The following TIA1 variants were observed in gnomAD, a reference collection of about 807,000 sequenced individuals.
The protein encoded by TIA1 is TIA1 cytotoxic granule associated RNA binding protein.
A neutral mutation model predicts 65.9 loss-of-function variants in TIA1; 23 were observed. The ratio of observed to expected loss-of-function variants is 0.35; its 90% CI spans 0.25 to 0.49. TIA1 has a LOEUF of 0.49. TIA1 is among the 20% of genes least tolerant of loss of function. TIA1 has a pLI of 0.98. For missense variants in TIA1, 371 were observed against 477.9 expected (o/e 0.78, Z 2.09); for synonymous variants, 147 against 149.4 (o/e 0.98, Z 0.12).
intron 11 of TIA1, 103 bp downstream of exon 11, chr2:70,215,268 T>C (rs1461680566): frequency 1.0e-5 from 15 of 1,468,764 alleles, no homozygotes; most frequent in Non-Finnish European, 1.4e-5. Flanking sequence ...TTATATACTA[T>C]CATTTTAGCT....
At chr2:70,227,943 A>C in intron 5 of TIA1, 121 bp from the exon 6 acceptor site, 1 of 639,292 alleles carries the variant, frequency 1.6e-6, no homozygotes, top group Non-Finnish European at 2.7e-6. Context: ...AGTATAAATA[A>C]AACACTATCC....
At chr2:70,220,136 CACGGT>C (rs1180793517) in intron 7 of TIA1, among the ~76,000 whole-genome samples, 1 of 152,096 alleles carries the variant, frequency 6.6e-6, no homozygotes, top group Non-Finnish European at 1.5e-5. Context: ...TCAGACTGGG[CACGGT>C]GGCTCACACT....
chr2:70,234,317 G>T (rs757635945), intron 2 of TIA1, among the ~76,000 whole-genome samples: 1 of 152,176 alleles, frequency 6.6e-6, no homozygotes, highest in African/African-American at 2.4e-5. Flanking sequence ...TAAGTAAGGA[G>T]ATCTAGATTA....
Position 70,240,470 on chromosome 2 carries a change from GC to G in TIA1, c.27-4296del, listed in dbSNP as rs1299388965. On this transcript the variant is annotated intron_variant, in intron 1 of 12. Coordinates refer to ENST00000433529, the MANE Select transcript of TIA1 (RefSeq NM_022173.4). ...AAGGGAGTGGTGGCACAAGCCCGCAGCCCCAGCTACTTGAGAGGCTGAGGTG... is the reference window on the plus strand; with the variant it reads ...AAGGGAGTGGTGGCACAAGCCCGCAGCCCAGCTACTTGAGAGGCTGAGGTG... Among the ~76,000 whole-genome samples the G allele has an allele frequency of 3.2e-4, 48 of 152,286 alleles. 1 individual carries two copies.
At chr2:70,242,687 T>A (rs1237385843) in intron 1 of TIA1, among the ~76,000 whole-genome samples, 1 of 152,072 alleles carries the variant, frequency 6.6e-6, no homozygotes, top group Non-Finnish European at 1.5e-5. Context: ...TATGCGTCCA[T>A]GGCCTGTTAG....
intron 6 of TIA1, among the ~76,000 whole-genome samples, chr2:70,226,349 G>C (rs1455571136): frequency 6.6e-6 from 1 of 151,904 alleles, no homozygotes; most frequent in Admixed American, 6.6e-5. Context: ...TAAAATTCCC[G>C]TGTTTTCAAA....
chr2:70,242,233 T>C (rs1187918573), intron 1 of TIA1, among the ~76,000 whole-genome samples: 2 of 151,994 alleles, frequency 1.3e-5, no homozygotes, highest in African/African-American at 4.8e-5. Flanking sequence ...CTTGTGCCTA[T>C]AAGAAATTTT....
At position 70,229,316 on chromosome 2, in the gene TIA1, T is replaced by C. The variant is rs1328705771; in HGVS notation, c.225A>G (p.Glu75=). 6.2e-7 allele frequency: 1 copy of C among 1,604,110 alleles called. No homozygotes were observed. Among genetic ancestry groups the C allele is most frequent in the South Asian group, 1.1e-5 (1 of 89,194 alleles). Residue 75 remains glutamate, a splice_region_variant and synonymous_variant, in exon 4 of 13, where the codon GAA becomes GAG. Transcript: ENST00000433529. ...GGGTTGTTGCCCAATTCACTTTGAC[T>C]TCCTAAAAAAAAAAAATTTCTACAT... The part of the protein sequence containing the change: ...AMNGRKIMGK[E]VKVNWATTPS...
chr2:70,226,826 T>C (rs1684013111), intron 6 of TIA1, among the ~76,000 whole-genome samples: 1 of 152,168 alleles, frequency 6.6e-6, no homozygotes, highest in Non-Finnish European at 1.5e-5. Flanking sequence ...GCCCTAATTC[T>C]GTGACCACCT....
At chr2:70,233,590 A>C (rs34614235) in intron 2 of TIA1, among the ~76,000 whole-genome samples, 9,100 of 151,682 alleles carry the variant, frequency 0.06, 343 homozygotes, top group East Asian at 0.18. Flanking sequence ...ACATGGTGAA[A>C]CCCTGTCTCT....
intron 1 of TIA1, among the ~76,000 whole-genome samples, chr2:70,238,236 C>T (rs1324621324): frequency 6.8e-6 from 1 of 146,462 alleles, no homozygotes; most frequent in Non-Finnish European, 1.5e-5. Context: ...ATTACTACTA[C>T]TAAGAACATT....
intron 1 of TIA1, among the ~76,000 whole-genome samples, chr2:70,239,255 G>A (rs1690599220): frequency 1.3e-5 from 2 of 152,050 alleles, no homozygotes; most frequent in Non-Finnish European, 2.9e-5. Flanking sequence ...ACCACGCCCG[G>A]CTAGTTTTTT....
intron 2 of TIA1, among the ~76,000 whole-genome samples, chr2:70,233,517 C>G (rs535536424): frequency 1.3e-5 from 2 of 152,094 alleles, no homozygotes; most frequent in African/African-American, 4.8e-5. Context: ...GCCTGTAATC[C>G]CAGCACTTTG....
chr2:70,227,337 G>C (rs1005554973), intron 6 of TIA1, among the ~76,000 whole-genome samples: 3 of 151,970 alleles, frequency 2.0e-5, no homozygotes, highest in African/African-American at 7.2e-5. Context: ...AATTGTTAAG[G>C]TTTCTTTTTG....
chr2:70,217,023 A>G (rs1181875027), intron 7 of TIA1, 29 bp from the exon 8 acceptor site: 7 of 1,585,234 alleles, frequency 4.4e-6, no homozygotes, highest in Non-Finnish European at 5.1e-6. Flanking sequence ...GAAACAATAA[A>G]GAAGTCACTA....
chr2:70,247,937 A>G (rs1242468052), intron 1 of TIA1, among the ~76,000 whole-genome samples: 1 of 152,108 alleles, frequency 6.6e-6, no homozygotes, highest in East Asian at 1.9e-4. Flanking sequence ...AGGAAAAAAA[A>G]TCTTATCACC....
chr2:70,228,188 T>C (rs1684623643), intron 5 of TIA1, among the ~76,000 whole-genome samples: 1 of 152,228 alleles, frequency 6.6e-6, no homozygotes, highest in Admixed American at 6.5e-5. Flanking sequence ...TTTTATTCAG[T>C]TTACCACTAT....
intron 1 of TIA1, 59 bp from the exon 2 acceptor site, chr2:70,236,234 T>C (rs1011993230): frequency 5.1e-6 from 6 of 1,166,234 alleles, no homozygotes; most frequent in African/African-American, 3.1e-5. Flanking sequence ...GTTTCACTCT[T>C]GTTGCCCAGG....
rs1675984468 is a variant in TIA1, at chr2:70,209,670, T to C, written c.*3049A>G. ...CCTTCTAGGAGTTGTTTATCCCTGC[T>C]CATGCTTAAGATTGACGATTTCGTG... On this transcript the variant is annotated 3_prime_UTR_variant, in exon 13 of 13. Coordinates refer to ENST00000433529, the MANE Select transcript of TIA1 (RefSeq NM_022173.4). 2.5e-6 allele frequency: 1 copy of C among 398,410 alleles called. No individual in the cohort carries two copies. The highest frequency in any genetic ancestry group is 4.4e-6 in the Non-Finnish European group (1 of 225,960). The allele number at this position is 398,410 out of a possible 1,614,324, so 24.7% of individuals were successfully genotyped here.
Sources: allele counts gnomAD v4.1 joint callset (sites outside exome capture counted in the v4.1 genomes callset), GRCh38; gene constraint gnomAD v4.1.1; transcripts MANE v1.5; gene names NCBI Gene and HGNC (gene_info 2026-07-23, HGNC 2026-07-21).